The following KDM1B variants were observed in gnomAD, a reference collection of about 807,000 sequenced individuals.
The protein encoded by KDM1B is lysine demethylase 1B.
In KDM1B, 63 loss-of-function variants were observed where a neutral mutation model predicts 107.4. That is an observed-to-expected ratio of 0.59 (90% CI 0.48 to 0.72). KDM1B has a LOEUF of 0.72. Among genes scored for constraint, KDM1B ranks in the 30% least tolerant of loss-of-function variants. The pLI, the probability that KDM1B is intolerant of heterozygous loss-of-function variation, is 0.00. For missense variants in KDM1B, 749 were observed against 1,020.8 expected (o/e 0.73, Z 3.63); for synonymous variants, 363 against 363.9 (o/e 1.00, Z 0.03).
intron 20 of KDM1B, among the ~76,000 whole-genome samples, chr6:18,217,086 T>C (rs1789293360): frequency 6.6e-6 from 1 of 151,418 alleles, no homozygotes; most frequent in Non-Finnish European, 1.5e-5. Flanking sequence ...CAGAGACTCC[T>C]TTCTGCTACC....
At position 18,159,557 on chromosome 6, in the gene KDM1B, A is replaced by G. The variant is rs554776669; in HGVS notation, c.-13-326A>G. Among the ~76,000 whole-genome samples the G allele has an allele frequency of 9.2e-5, 14 of 152,324 alleles. No individual in the cohort carries two copies. The highest frequency in any genetic ancestry group is 3.4e-4 in the African/African-American group (14 of 41,570). ...CATGCCAGTGCTATAGTAAATGCTT[A>G]TGGTGCCCATTTTATGTGTGAGAAC... On this transcript the variant is annotated intron_variant, in intron 2 of 21. Coordinates refer to ENST00000650836, the MANE Select transcript of KDM1B (RefSeq NM_001364614.2). The surrounding 1 kb of genome is among the most constrained non-coding windows in gnomAD (Gnocchi z 4.5).
intron 12 of KDM1B, among the ~76,000 whole-genome samples, chr6:18,199,732 G>A (rs1252174529): frequency 2.0e-5 from 3 of 150,552 alleles, no homozygotes; most frequent in African/African-American, 7.3e-5. Flanking sequence ...ATATATCTTA[G>A]GGAAGTTAAA....
rs546697651 is a variant in KDM1B at position 18,203,614 on chromosome 6, A to C, written c.1532-1923A>C. 3.1e-4 allele frequency among the ~76,000 whole-genome samples: 47 copies of C among 152,178 alleles called. No homozygotes were observed. Among genetic ancestry groups the C allele is most frequent in the Non-Finnish European group, 5.3e-4 (36 of 68,028 alleles). On this transcript the variant is annotated intron_variant, in intron 14 of 21. Transcript: ENST00000650836. The surrounding 1 kb of genome is among the most constrained non-coding windows in gnomAD (Gnocchi z 5.5). ...ACGCCTGTAATCTCAGCACTTTGGG[A>C]GGCCAAGGCGGGTGGATCACCTGAG...
Position 18,191,372 on chromosome 6 carries a change from TA to T in KDM1B, c.962del (p.Asn321ThrfsTer36). On this transcript the variant is annotated frameshift_variant, in exon 10 of 22. Coordinates refer to ENST00000650836, the MANE Select transcript of KDM1B (RefSeq NM_001364614.2). LOFTEE classifies it high-confidence loss of function. The surrounding 1 kb of genome is among the most constrained non-coding windows in gnomAD (Gnocchi z 5.1). The part of the protein sequence containing the change: ...RNLILALWYT[N>X]CKEALTPQKC... Reference sequence around the variant, plus strand: ...ACCTCATCCTCGCACTGTGGTATACTAACTGCAAAGTAAGTAAGGGCATGTT... The same window carrying T: ...ACCTCATCCTCGCACTGTGGTATACTACTGCAAAGTAAGTAAGGGCATGTT... The T allele has an allele frequency of 6.4e-7, 1 of 1,550,732 alleles. No individual in the cohort carries two copies.
chr6:18,161,319 TC>T lies in KDM1B; in HGVS notation c.88-5del. On this transcript the variant is annotated splice_region_variant and splice_polypyrimidine_tract_variant and intron_variant, in intron 3 of 21. Coordinates refer to ENST00000650836, the MANE Select transcript of KDM1B (RefSeq NM_001364614.2). ...GTGAAATTTTAACATCAGCTGTGAC[TC>T]CCTTAGGCGAAGAAGAAAGCAACAG... 1 of 1,613,452 alleles carries T rather than the reference TC, an allele frequency of 6.2e-7. No individual in the cohort carries two copies. Among genetic ancestry groups the T allele is most frequent in the South Asian group, 1.1e-5 (1 of 91,058 alleles).
chr6:18,179,953 TC>T (rs1370666931), intron 7 of KDM1B, among the ~76,000 whole-genome samples: 4 of 147,280 alleles, frequency 2.7e-5, no homozygotes, highest in African/African-American at 1.0e-4. Flanking sequence ...AGCCTTTACT[TC>T]CTGGGCTCAG....
Position 18,205,410 on chromosome 6 carries a change from C to A in KDM1B, c.1532-127C>A. 2 of 776,066 alleles carry A rather than the reference C, an allele frequency of 2.6e-6. No homozygotes were observed. Among genetic ancestry groups the A allele is most frequent in the Non-Finnish European group, 3.9e-6 (2 of 513,972 alleles). The allele number at this position is 776,066 out of a possible 1,614,324, so 48.1% of individuals were successfully genotyped here. A position where few individuals can be genotyped will look rare whatever the true frequency, so the allele number is the denominator to read the frequency against. ...TATCAAGAGATCTTTTCCCCTCTGA[C>A]TTTACTTGGGAAAAGACTTTGGAAG... On this transcript the variant is annotated intron_variant, in intron 14 of 21. Transcript: ENST00000650836. The surrounding 1 kb of genome is among the most constrained non-coding windows in gnomAD (Gnocchi z 5.7).
In KDM1B at chr6:18,171,376, A is replaced by T. The variant is rs372577998; in HGVS notation, c.431A>T (p.Lys144Ile). The change falls in exon 7 of 22, where the codon AAA becomes ATA. Residue 144 changes from lysine to isoleucine, a missense_variant. Transcript: ENST00000650836. ...QQLPYWVQCTKPECRKWRQLT... is the reference protein window; with the variant it reads ...QQLPYWVQCTIPECRKWRQLT... ...CTTCCCATCTAGGTTCAGTGTACAA[A>T]ACCTGAGTGTAGAAAATGGAGGCAG... The T allele has an allele frequency of 3.1e-6, 5 of 1,600,740 alleles. No homozygotes were observed. The African/African-American group carries it at 6.7e-5, about 21-fold the overall frequency.
chr6:18,171,838 G>A (rs540786422), intron 7 of KDM1B, among the ~76,000 whole-genome samples: 1 of 152,278 alleles, frequency 6.6e-6, no homozygotes, highest in South Asian at 2.1e-4. Flanking sequence ...AGAAAAGGGG[G>A]AAAGGTCAAA....
chr6:18,164,051 A>G (rs553975614), intron 5 of KDM1B, among the ~76,000 whole-genome samples: 9 of 152,350 alleles, frequency 5.9e-5, no homozygotes, highest in East Asian at 1.9e-4. Flanking sequence ...AAAGTCTGCA[A>G]TTATAATTGT....
At chr6:18,198,672 A>G (rs1376023604) in intron 12 of KDM1B, among the ~76,000 whole-genome samples, 1 of 147,470 alleles carries the variant, frequency 6.8e-6, no homozygotes, top group Admixed American at 6.8e-5. Context: ...ACGCCCTTTG[A>G]ATCTCATTTC....
At chr6:18,217,430 G>C (rs1213064251) in intron 20 of KDM1B, among the ~76,000 whole-genome samples, 1 of 148,054 alleles carries the variant, frequency 6.8e-6, no homozygotes, top group African/African-American at 2.5e-5. Context: ...CCAGGCTGGA[G>C]TGCAGTGGCG....
In KDM1B at chr6:18,222,874, G is replaced by A. The variant is rs1789868723; in HGVS notation, c.*882G>A. 6.6e-6 allele frequency: 1 copy of A among 152,570 alleles called. No homozygotes were observed. Among genetic ancestry groups the A allele is most frequent in the Non-Finnish European group, 1.5e-5 (1 of 68,016 alleles). The allele number at this position is 152,570 out of a possible 1,614,324, so 9.5% of individuals were successfully genotyped here. ...TTTATTTAAAAGCACTGATTCAATT[G>A]CTAGGAATATTTTTGCAGATTTTTC... On this transcript the variant is annotated 3_prime_UTR_variant, in exon 22 of 22. Transcript: ENST00000650836.
rs572081283 is a variant in KDM1B, at chr6:18,159,999, C to G, written c.87+17C>G. On this transcript the variant is annotated intron_variant, in intron 3 of 21. Transcript: ENST00000650836. This position sits in a 1 kb window ranked among gnomAD's most constrained non-coding sequence, Gnocchi z 4.5. ...GGTAGGCAGGTAGTGTTCATTTATT[C>G]ATTCAACAAGCCTTTTTTGAGCATG... 1 of 1,534,474 alleles carries G rather than the reference C, an allele frequency of 6.5e-7. No homozygotes were observed. The highest frequency in any genetic ancestry group is 1.4e-5 in the African/African-American group (1 of 72,324).
At chr6:18,160,018 G>A in intron 3 of KDM1B, 36 bp downstream of exon 3, 1 of 1,373,460 alleles carries the variant, frequency 7.3e-7, no homozygotes, top group Non-Finnish European at 1.0e-6. Flanking sequence ...AGCCTTTTTT[G>A]AGCATGCAGA....
rs1460256842 is a variant in KDM1B, at chr6:18,205,495, G to C, written c.1532-42G>C. On this transcript the variant is annotated intron_variant, in intron 14 of 21. Coordinates refer to ENST00000650836, the MANE Select transcript of KDM1B (RefSeq NM_001364614.2). The surrounding 1 kb of genome is among the most constrained non-coding windows in gnomAD (Gnocchi z 5.7). ...AAAGGAGAAAGAATTGGAGAATCTT[G>C]TTAAAGCTATTTTTTTCTGCTTTGA... 6.5e-7 allele frequency: 1 copy of C among 1,534,338 alleles called. No homozygotes were observed.
rs936678414 is a variant in KDM1B, at chr6:18,207,478, G to T, written c.1740G>T (p.Ser580=). ...ACACTCTGCTAACTCCCGGGTACTC[G>T]GTGATAATTGAAAAACTGGCAGAAG... ...GDHTLLTPGY[S]VIIEKLAEGL... is the part of the protein sequence containing the mutation. Residue 580 remains serine (S), a synonymous_variant, in exon 16 of 22, where the codon TCG becomes TCT. Coordinates refer to ENST00000650836, the MANE Select transcript of KDM1B (RefSeq NM_001364614.2). The T allele has an allele frequency of 6.2e-7, 1 of 1,614,058 alleles. No individual in the cohort carries two copies. The highest frequency in any genetic ancestry group is 8.5e-7 in the Non-Finnish European group (1 of 1,180,028).
intron 7 of KDM1B, among the ~76,000 whole-genome samples, chr6:18,177,893 G>T (rs781667980): frequency 6.6e-6 from 1 of 152,102 alleles, no homozygotes; most frequent in African/African-American, 2.4e-5. Context: ...TTACTATGTG[G>T]TTCCTTACAG....
intron 20 of KDM1B, 32 bp from the exon 21 acceptor site, chr6:18,217,701 C>T (rs768605984): frequency 1.3e-5 from 21 of 1,599,538 alleles, no homozygotes; most frequent in Non-Finnish European, 1.7e-5. Context: ...CCTTCTTGAT[C>T]CTACTTCATA....
Sources: gnomAD v4.1 joint callset for allele counts (sites outside exome capture counted in the v4.1 genomes callset) on GRCh38, gnomAD v4.1.1 for gene constraint, Gnocchi (gnomAD v3.1) non-coding constraint, MANE v1.5 for transcripts, NCBI Gene and HGNC (gene_info 2026-07-23, HGNC 2026-07-21) for gene names.